The following TBC1D2B variants were observed in gnomAD, a reference collection of about 807,000 sequenced individuals.
TBC1D2B encodes TBC1 domain family, member 2B.
A neutral mutation model predicts 100.8 loss-of-function variants in TBC1D2B; 64 were observed. That is an observed-to-expected ratio of 0.64 (90% confidence interval 0.52 to 0.78). TBC1D2B has a LOEUF of 0.78. TBC1D2B is among the 30% of genes least tolerant of loss of function. The pLI is 0.00. For missense variants in TBC1D2B, 1,052 were observed against 1,218.4 expected (o/e 0.86, Z 2.03); for synonymous variants, 480 against 479.7 (o/e 1.00, Z -0.01).
At chr15:78,020,581 A>G (rs921504430) in intron 6 of TBC1D2B, among the ~76,000 whole-genome samples, 1 of 152,182 alleles carries the variant, frequency 6.6e-6, no homozygotes, top group Non-Finnish European at 1.5e-5. Context: ...AGGCAGAGAC[A>G]TGAATTCACC....
At position 78,046,301 on chromosome 15, in the gene TBC1D2B, T is replaced by C. The variant is rs536653990; in HGVS notation, c.515-1233A>G. Among the ~76,000 whole-genome samples the C allele has an allele frequency of 2.6e-5, 4 of 152,332 alleles. No individual in the cohort carries two copies. The East Asian group carries it at 7.7e-4, about 29-fold the overall frequency. On this transcript the variant is annotated intron_variant, in intron 2 of 12. Coordinates refer to ENST00000300584, the MANE Select transcript of TBC1D2B (RefSeq NM_144572.2). ...AACATAATCTGCACTGGTATTTCAG[T>C]GGTAGAATTATCCCATGCCGAATGG... is the stretch of plus-strand genomic sequence containing the variant.
intron 6 of TBC1D2B, among the ~76,000 whole-genome samples, chr15:78,018,725 A>G (rs1337987590): frequency 6.6e-6 from 1 of 152,210 alleles, no homozygotes; most frequent in Non-Finnish European, 1.5e-5. Flanking sequence ...GAAAGCTGAA[A>G]GGATCCAACA....
At chr15:78,025,853 A>T (rs143780214) in intron 4 of TBC1D2B, among the ~76,000 whole-genome samples, 2 of 152,014 alleles carry the variant, frequency 1.3e-5, no homozygotes, top group Admixed American at 6.6e-5. Context: ...CAAAAACCAC[A>T]TCTTCCTTTT....
intron 9 of TBC1D2B, among the ~76,000 whole-genome samples, chr15:78,009,785 T>C (rs1307217099): frequency 6.6e-6 from 1 of 152,090 alleles, no homozygotes; most frequent in African/African-American, 2.4e-5. Context: ...CCATCCTGGC[T>C]GACACGGTGA....
rs141368762 is a variant in TBC1D2B, at chr15:78,025,565, C to T, written c.848-68G>A. 8,882 of 1,261,016 alleles carry T rather than the reference C, an allele frequency of 7.0e-3. 50 individuals carry two copies. The highest frequency in any genetic ancestry group is 8.8e-3 in the Non-Finnish European group (8,194 of 936,238). 78.1% of individuals were successfully genotyped at this position (1,261,016 alleles called of 1,614,324 possible). On this transcript the variant is annotated intron_variant, in intron 4 of 12. Coordinates refer to ENST00000300584, the MANE Select transcript of TBC1D2B (RefSeq NM_144572.2). ...TTTTTGAGACGGAGTGTCGGTCTGT[C>T]GCCCAGGCTGGAGTGCAGTGGCGCA...
At chr15:78,032,858 A>G (rs933580209) in intron 3 of TBC1D2B, among the ~76,000 whole-genome samples, 26 of 152,138 alleles carry the variant, frequency 1.7e-4, no homozygotes, top group Non-Finnish European at 2.8e-4. Context: ...AAAACAACAA[A>G]TGAAAAAAAG....
chr15:78,019,958 T>C (rs1326464679), intron 6 of TBC1D2B, among the ~76,000 whole-genome samples: 1 of 151,260 alleles, frequency 6.6e-6, no homozygotes, highest in Non-Finnish European at 1.5e-5. Flanking sequence ...AGCATGGTCA[T>C]AGCTCACTGC....
At chr15:78,003,195 C>T in intron 11 of TBC1D2B, 110 bp downstream of exon 11, 1 of 936,556 alleles carries the variant, frequency 1.1e-6, no homozygotes, top group Non-Finnish European at 1.7e-6. Context: ...CCCTTGGGCA[C>T]CATGGTAACC....
chr15:78,024,111 G>C, intron 6 of TBC1D2B, 45 bp downstream of exon 6: 1 of 1,559,142 alleles, frequency 6.4e-7, no homozygotes, highest in Non-Finnish European at 8.7e-7. Context: ...GGGTGACATC[G>C]GTGGTCTCTC....
Position 78,024,343 on chromosome 15 carries a change from G to A in TBC1D2B, c.1283C>T (p.Thr428Met), listed in dbSNP as rs143915483. 8.4e-5 allele frequency: 136 copies of A among 1,614,064 alleles called. 1 individual carries two copies. In the African/African-American group the frequency reaches 1.0e-3, roughly 12 times the overall value. The change falls in exon 6 of 13, where the codon ACG becomes ATG. Residue 428 changes from threonine (T) to methionine (M), a missense_variant. Thr to Met is a moderately conservative substitution (Grantham distance 81). Transcript: ENST00000300584. ...GAGCTCGCCCACTTTGCTCTTCAGC[G>A]TCCTTACTTCCTGCTGAAGACTCTC... is the stretch of plus-strand genomic sequence containing the variant. ...EKESLQQEVR[T>M]LKSKVGELNE...
rs1215179726 is a variant in TBC1D2B, at chr15:78,077,494, G to C, written c.159C>G (p.Tyr53Ter). Residue 53 changes from tyrosine (Y) to a stop codon, truncating the protein, a stop_gained, in exon 1 of 13, where the codon TAC becomes TAG. Transcript: ENST00000300584. LOFTEE classifies it high-confidence loss of function. Reference sequence around the variant, plus strand: ...CGTCGAACACGAACCAGCGGCTGCGGTAGCCACGCAGGGGGCCCTTGCCCG... The same window carrying C: ...CGTCGAACACGAACCAGCGGCTGCGCTAGCCACGCAGGGGGCCCTTGCCCG... The part of the protein sequence containing the change: ...KLSGKGPLRG[Y>*]RSRWFVFDAR... 8 of 1,532,996 alleles carry C rather than the reference G, an allele frequency of 5.2e-6. No homozygotes were observed. Among genetic ancestry groups the C allele is most frequent in the Non-Finnish European group, 7.0e-6 (8 of 1,139,952 alleles). The allele number at this position is 1,532,996 out of a possible 1,614,324, so 95.0% of individuals were successfully genotyped here.
At chr15:78,048,680 G>A (rs1469915042) in intron 2 of TBC1D2B, among the ~76,000 whole-genome samples, 2 of 152,210 alleles carry the variant, frequency 1.3e-5, no homozygotes, top group Non-Finnish European at 2.9e-5. Context: ...GGCAGTCTCA[G>A]CCTCCCTGGT....
At chr15:78,057,731 G>A (rs917830296) in intron 1 of TBC1D2B, among the ~76,000 whole-genome samples, 1 of 152,336 alleles carries the variant, frequency 6.6e-6, no homozygotes, top group African/African-American at 2.4e-5. Flanking sequence ...CAGACTGTCT[G>A]AAATGGCTCT....
At chr15:77,999,529 G>T (rs532018989) in intron 12 of TBC1D2B, 17 of 230,472 alleles carry the variant, frequency 7.4e-5, no homozygotes, top group African/African-American at 3.9e-4. Flanking sequence ...GTCCCCGCGT[G>T]TGGATTTCTC....
intron 1 of TBC1D2B, chr15:78,065,983 C>G: frequency 2.1e-6 from 1 of 470,732 alleles, no homozygotes; most frequent in South Asian, 1.5e-5. Context: ...CATTGTTACC[C>G]ACTTCTCTCT....
intron 10 of TBC1D2B, among the ~76,000 whole-genome samples, chr15:78,007,188 C>T (rs2072090377): frequency 6.6e-6 from 1 of 152,218 alleles, no homozygotes; most frequent in African/African-American, 2.4e-5. Flanking sequence ...CACGCCCCAT[C>T]AGCGGGCAGG....
At chr15:78,009,259 G>A (rs764880785) in intron 9 of TBC1D2B, 145 bp from the exon 10 acceptor site, 19 of 626,310 alleles carry the variant, frequency 3.0e-5, no homozygotes, top group Non-Finnish European at 4.8e-5. Flanking sequence ...TAAGGACCTG[G>A]CTTAATGGCT....
intron 6 of TBC1D2B, among the ~76,000 whole-genome samples, chr15:78,021,233 T>A (rs2072507825): frequency 6.6e-6 from 1 of 152,230 alleles, no homozygotes; most frequent in South Asian, 2.1e-4. Context: ...CAATAAAGCA[T>A]GAAAACTGGT....
At position 78,054,461 on chromosome 15, in the gene TBC1D2B, C is replaced by T. The variant is rs561250333; in HGVS notation, c.361-274G>A. On this transcript the variant is annotated intron_variant, in intron 1 of 12. Transcript: ENST00000300584. ...TGCAGTATAACATTTTCCTCAAAAC[C>T]GTTTAGGAAGATGTGATAATACTGC... Among the ~76,000 whole-genome samples, 26 of 152,258 alleles carry T rather than the reference C, an allele frequency of 1.7e-4. No individual in the cohort carries two copies. In the East Asian group the frequency reaches 3.3e-3, roughly 19 times the overall value.
Sources: gnomAD v4.1 joint callset for allele counts (sites outside exome capture counted in the v4.1 genomes callset) on GRCh38, gnomAD v4.1.1 for gene constraint, MANE v1.5 for transcripts, NCBI Gene and HGNC (gene_info 2026-07-23, HGNC 2026-07-21) for gene names.